The following ERAP1 variants were observed in gnomAD, a reference collection of about 807,000 sequenced individuals.
The protein encoded by ERAP1 is endoplasmic reticulum aminopeptidase 1.
Under a neutral mutation model 103.7 loss-of-function variants are expected in ERAP1, and 86 were observed. That is an observed-to-expected ratio of 0.83 (90% CI 0.70 to 0.99). The LOEUF (loss-of-function observed/expected upper bound fraction) is 0.99, where lower values mean the gene tolerates loss of function less well. Among genes scored for constraint, ERAP1 ranks in the 50% least tolerant of loss-of-function variants. The pLI is 0.00. For missense variants in ERAP1, 1,009 were observed against 1,128.4 expected, an observed-to-expected ratio of 0.89 and a Z score of 1.52; for synonymous variants, 398 against 402.4, an observed-to-expected ratio of 0.99 and a Z score of 0.13.
At position 96,775,766 on chromosome 5, in the gene ERAP1, A is replaced by AAG; in HGVS notation, c.*629_*630insCT. 1 of 215,012 alleles carries AAG rather than the reference A, an allele frequency of 4.7e-6. No homozygotes were observed. Among genetic ancestry groups the AAG allele is most frequent in the South Asian group, 1.6e-4 (1 of 6,128 alleles). 13.3% of individuals were successfully genotyped at this position (215,012 alleles called of 1,614,324 possible). A position where few individuals can be genotyped will look rare whatever the true frequency, so the allele number is the denominator to read the frequency against. ...AAGACCCTCAGGGGAGGCCAGCCCG[A>AAG]GGCATCCCGCAAGGGAATCAGGGAA... On this transcript the variant is annotated 3_prime_UTR_variant, in exon 19 of 19. Coordinates refer to ENST00000443439, the MANE Select transcript of ERAP1 (RefSeq NM_001040458.3).
At chr5:96,908,155 C>T in the ERAP1 span, among the ~76,000 whole-genome samples, 1 of 152,204 alleles carries the variant, frequency 6.6e-6, no homozygotes, top group South Asian at 2.1e-4. Context: ...AGAGGAGACA[C>T]CCTTTGTTCT....
Position 96,781,677 on chromosome 5 carries a change from T to G in ERAP1, c.2447+16A>C. ...TTTCCCTTGGCCACATGAACATGAA[T>G]GAATGACGGACTCACCATTGAAGCT... On this transcript the variant is annotated intron_variant, in intron 16 of 18. Coordinates refer to ENST00000443439, the MANE Select transcript of ERAP1 (RefSeq NM_001040458.3). 1 of 1,614,054 alleles carries G rather than the reference T, an allele frequency of 6.2e-7. No homozygotes were observed. Among genetic ancestry groups the G allele is most frequent in the Non-Finnish European group, 8.5e-7 (1 of 1,179,996 alleles).
At chr5:96,843,534 G>A in the ERAP1 span, among the ~76,000 whole-genome samples, 1 of 152,304 alleles carries the variant, frequency 6.6e-6, no homozygotes, top group East Asian at 1.9e-4. Context: ...GGTTGCAAAG[G>A]GAATAACCCT....
At chr5:96,876,974 T>G in the ERAP1 span, among the ~76,000 whole-genome samples, 2 of 152,060 alleles carry the variant, frequency 1.3e-5, no homozygotes, top group Non-Finnish European at 2.9e-5. Context: ...ATTTATGTAT[T>G]TATTTATTTA....
chr5:96,786,115 A>G, intron 12 of ERAP1, 144 bp from the exon 13 acceptor site: 1 of 751,608 alleles, frequency 1.3e-6, no homozygotes, highest in Non-Finnish European at 2.3e-6. Flanking sequence ...AGAAACCAGA[A>G]AACAGCAACT....
At chr5:96,895,428 A>T in the ERAP1 span, 1 of 1,128,032 alleles carries the variant, frequency 8.9e-7, no homozygotes, top group Admixed American at 2.1e-5. Context: ...TAAAATTTCA[A>T]GTGAATGTTA....
the ERAP1 span, chr5:96,881,248 G>T: frequency 2.7e-5 from 10 of 370,572 alleles, no homozygotes; most frequent in South Asian, 1.6e-4. Context: ...TAGAGAAGCA[G>T]AGTAATCAAT....
the ERAP1 span, among the ~76,000 whole-genome samples, chr5:96,921,524 T>C: frequency 4.6e-5 from 7 of 152,232 alleles, no homozygotes; most frequent in Admixed American, 4.6e-4. Context: ...GTCTGAGAAA[T>C]GCATACTTAA....
At chr5:96,786,059 G>C in intron 12 of ERAP1, 88 bp from the exon 13 acceptor site, 1 of 1,313,506 alleles carries the variant, frequency 7.6e-7, no homozygotes, top group Non-Finnish European at 1.1e-6. Context: ...GGAAATTAGA[G>C]AAGAGTTTAA....
the ERAP1 span, among the ~76,000 whole-genome samples, chr5:96,931,087 G>A: frequency 2.6e-5 from 4 of 152,006 alleles, no homozygotes; most frequent in South Asian, 8.3e-4. Context: ...TAAATCAATT[G>A]TTCAGCATTC....
chr5:96,904,815 T>A, the ERAP1 span, among the ~76,000 whole-genome samples: 1 of 152,216 alleles, frequency 6.6e-6, no homozygotes, highest in Admixed American at 6.5e-5. Context: ...CTAAATTTAG[T>A]AGGAGGAAAT....
the ERAP1 span, among the ~76,000 whole-genome samples, chr5:96,867,548 A>T: frequency 6.6e-6 from 1 of 152,094 alleles, no homozygotes; most frequent in Non-Finnish European, 1.5e-5. Flanking sequence ...CTGGTATTGG[A>T]TGCTGGCTGT....
chr5:96,763,368 G>GTGCAACA, intron 19 of ERAP1: 1 of 711,022 alleles, frequency 1.4e-6, no homozygotes, highest in Non-Finnish European at 2.6e-6. Context: ...GCATGTGCAT[G>GTGCAACA]TGCATGTGTG....
At chr5:96,810,756 T>C (rs1430619784), upstream of ERAP1, among the ~76,000 whole-genome samples, 2 of 152,248 alleles carry the variant, frequency 1.3e-5, no homozygotes, top group Non-Finnish European at 2.9e-5. Flanking sequence ...TTAAAAAATA[T>C]TGAATTCTAG....
the ERAP1 span, chr5:96,879,977 G>A: frequency 3.7e-6 from 6 of 1,614,016 alleles, no homozygotes; most frequent in South Asian, 2.2e-5. Context: ...TGAGAAGATC[G>A]AAGTCTTGGT....
intron 1 of ERAP1, among the ~76,000 whole-genome samples, chr5:96,806,980 TGTTTTG>T (rs371429555): frequency 0.63 from 95,885 of 151,586 alleles, 31,039 homozygotes; most frequent in Non-Finnish European, 0.72. Flanking sequence ...TGTTTTGTTT[TGTTTTG>T]TTGTTTTGTT....
the ERAP1 span, among the ~76,000 whole-genome samples, chr5:96,820,496 T>G: frequency 6.6e-6 from 1 of 152,212 alleles, no homozygotes; most frequent in African/African-American, 2.4e-5. Flanking sequence ...TAAACAGTCT[T>G]GTAAAAGTTT....
At chr5:96,909,074 T>C in the ERAP1 span, 5 of 1,614,118 alleles carry the variant, frequency 3.1e-6, no homozygotes, top group African/African-American at 5.3e-5. Flanking sequence ...TTTTACCACA[T>C]GATGGACAGA....
chr5:96,834,544 A>G, the ERAP1 span, among the ~76,000 whole-genome samples: 1 of 152,218 alleles, frequency 6.6e-6, no homozygotes. Flanking sequence ...AGTTTGATGT[A>G]TGTGAACTTA....
Sources: allele counts gnomAD v4.1 joint callset (sites outside exome capture counted in the v4.1 genomes callset), GRCh38; gene constraint gnomAD v4.1.1; transcripts MANE v1.5; gene names NCBI Gene and HGNC (gene_info 2026-07-23, HGNC 2026-07-21).